HTR3B: variants seen among roughly 807,000 people sequenced by gnomAD.
The protein encoded by HTR3B is 5-hydroxytryptamine (serotonin) receptor 3B, ionotropic.
In HTR3B, 44 loss-of-function variants were observed where a neutral mutation model predicts 42.8. The ratio of observed to expected loss-of-function variants is 1.03; its 90% CI spans 0.81 to 1.32. HTR3B has a LOEUF of 1.32. Among genes scored for constraint, HTR3B ranks in the 40% most tolerant of loss-of-function variants. The probability of loss-of-function intolerance (pLI) is 0.00; values close to 1 mark genes in which losing one functional copy is unlikely to be tolerated. For missense variants in HTR3B, 527 were observed against 536.5 expected (o/e 0.98, Z 0.17); for synonymous variants, 203 against 209.0 (o/e 0.97, Z 0.25).
intron 1 of HTR3B, among the ~76,000 whole-genome samples, chr11:113,908,699 A>G (rs1223579293): frequency 6.6e-6 from 1 of 152,220 alleles, no homozygotes. Context: ...TTTTCTCAAA[A>G]CAAAGATCTC....
At chr11:113,945,694 TAA>T (rs1950171244) in intron 8 of HTR3B, among the ~76,000 whole-genome samples, 5 of 152,350 alleles carry the variant, frequency 3.3e-5, no homozygotes, top group African/African-American at 1.2e-4. Context: ...GCTTACATAA[TAA>T]CAGCTCTGAC....
At chr11:113,912,963 G>A (rs1949811372) in intron 2 of HTR3B, among the ~76,000 whole-genome samples, 1 of 148,996 alleles carries the variant, frequency 6.7e-6, no homozygotes, top group African/African-American at 2.4e-5. Context: ...TCTTTTTTTA[G>A]ATATTACCTC....
chr11:113,943,802 G>GGCTGCTTCCC (rs1424873781), intron 7 of HTR3B, among the ~76,000 whole-genome samples: 23 of 150,756 alleles, frequency 1.5e-4, no homozygotes, highest in African/African-American at 4.9e-4. Context: ...GACAGAGCAA[G>GGCTGCTTCCC]AACGGAAGGG....
At chr11:113,911,038 G>A (rs1462917039) in intron 2 of HTR3B, among the ~76,000 whole-genome samples, 4 of 149,620 alleles carry the variant, frequency 2.7e-5, no homozygotes, top group African/African-American at 9.8e-5. Context: ...GTGTTAGCCA[G>A]GATGGTCTCG....
At chr11:113,920,325 GC>G (rs1382224864) in intron 2 of HTR3B, among the ~76,000 whole-genome samples, 2 of 152,138 alleles carry the variant, frequency 1.3e-5, no homozygotes, top group Admixed American at 6.6e-5. Flanking sequence ...ACCGCGCCTG[GC>G]CCAGAATTCC....
intron 6 of HTR3B, among the ~76,000 whole-genome samples, chr11:113,934,141 C>T (rs945699791): frequency 6.6e-6 from 1 of 152,198 alleles, no homozygotes; most frequent in Non-Finnish European, 1.5e-5. Context: ...AATCCCAGAA[C>T]TCTGGGAGGC....
chr11:113,945,476 A>G (rs1328075206), intron 8 of HTR3B, among the ~76,000 whole-genome samples: 1 of 152,136 alleles, frequency 6.6e-6, no homozygotes, highest in African/African-American at 2.4e-5. Context: ...CAGTTACCCA[A>G]AGTGACTGAG....
Position 113,932,338 on chromosome 11 carries a change from T to C in HTR3B, c.418T>C (p.Ser140Pro), listed in dbSNP as rs1166063853. Residue 140 changes from serine to proline, a missense_variant, in exon 5 of 9, where the codon TCT becomes CCT. Coordinates refer to ENST00000260191, the MANE Select transcript of HTR3B (RefSeq NM_006028.5). ...CCTTCCCTATGTTTATGTGAACTCA[T>C]CTGGGACCATTGAGAACTATAAGCC... ...PDLPYVYVNSSGTIENYKPIQ... is the reference protein window; with the variant it reads ...PDLPYVYVNSPGTIENYKPIQ... The C allele has an allele frequency of 1.9e-6, 3 of 1,613,514 alleles. No individual in the cohort carries two copies. In the South Asian group the frequency reaches 3.3e-5, roughly 18 times the overall value.
At position 113,946,151 on chromosome 11, in the gene HTR3B, C is replaced by T. The variant is rs1950177286; in HGVS notation, c.*14C>T. 1 of 1,581,672 alleles carries T rather than the reference C, an allele frequency of 6.3e-7. No homozygotes were observed. Among genetic ancestry groups the T allele is most frequent in the Non-Finnish European group, 8.7e-7 (1 of 1,151,408 alleles). On this transcript the variant is annotated 3_prime_UTR_variant, in exon 9 of 9. Transcript: ENST00000260191. The stretch of plus-strand genomic sequence containing the variant: ...GGCGGCGTGTGAAGACTGAAGTGTT[C>T]TTCAGTAATTGTGCTGGCACTTAGG...
At chr11:113,924,674 G>A (rs1307036626) in intron 2 of HTR3B, among the ~76,000 whole-genome samples, 2 of 143,290 alleles carry the variant, frequency 1.4e-5, no homozygotes, top group Non-Finnish European at 1.5e-5. Context: ...ACCTAATCTC[G>A]AGCTCTCATT....
At chr11:113,914,500 T>A (rs1949832607) in intron 2 of HTR3B, among the ~76,000 whole-genome samples, 1 of 151,984 alleles carries the variant, frequency 6.6e-6, no homozygotes, top group South Asian at 2.1e-4. Flanking sequence ...ATTTTGTTTT[T>A]TTGAGACAGT....
intron 2 of HTR3B, among the ~76,000 whole-genome samples, chr11:113,915,030 AT>A (rs1949837634): frequency 1.3e-5 from 2 of 151,954 alleles, no homozygotes; most frequent in African/African-American, 2.4e-5. Context: ...TTGTTCATAT[AT>A]TTTTTTCTAT....
In HTR3B at chr11:113,932,345, C is replaced by A; in HGVS notation, c.425C>A (p.Thr142Asn). Residue 142 changes from threonine to asparagine, a missense_variant, in exon 5 of 9, where the codon ACC becomes AAC. Transcript: ENST00000260191. Reference sequence around the variant, plus strand: ...TATGTTTATGTGAACTCATCTGGGACCATTGAGAACTATAAGCCCATCCAG... The same window carrying A: ...TATGTTTATGTGAACTCATCTGGGAACATTGAGAACTATAAGCCCATCCAG... ...LPYVYVNSSGTIENYKPIQVV... is the reference protein window; with the variant it reads ...LPYVYVNSSGNIENYKPIQVV... The A allele has an allele frequency of 6.2e-7, 1 of 1,613,368 alleles. No individual in the cohort carries two copies. Among genetic ancestry groups the A allele is most frequent in the Non-Finnish European group, 8.5e-7 (1 of 1,179,340 alleles).
intron 2 of HTR3B, among the ~76,000 whole-genome samples, chr11:113,912,486 A>T (rs998530274): frequency 6.6e-6 from 1 of 151,720 alleles, no homozygotes; most frequent in Non-Finnish European, 1.5e-5. Context: ...CTCGTGATCC[A>T]CCCGCCTCGG....
At chr11:113,917,793 CG>C (rs1565558532) in intron 2 of HTR3B, among the ~76,000 whole-genome samples, 1 of 152,000 alleles carries the variant, frequency 6.6e-6, no homozygotes, top group East Asian at 1.9e-4. Context: ...TTGGTAGAGA[CG>C]GGGTTTTGCC....
At chr11:113,909,126 CT>C in intron 1 of HTR3B, 168 bp from the exon 2 acceptor site, 1 of 629,928 alleles carries the variant, frequency 1.6e-6, no homozygotes. Context: ...CATCAGCTTA[CT>C]TTAAGCATTT....
intron 6 of HTR3B, among the ~76,000 whole-genome samples, chr11:113,935,006 A>T (rs941743073): frequency 2.6e-5 from 4 of 152,138 alleles, no homozygotes; most frequent in Admixed American, 2.0e-4. Context: ...GGGCAGGTAA[A>T]CAAGGGCGTG....
At position 113,904,945 on chromosome 11, in the gene HTR3B, T is replaced by A. The variant is rs780514106; in HGVS notation, c.12T>A (p.Ser4Arg). 6.2e-7 allele frequency: 1 copy of A among 1,613,754 alleles called. No individual in the cohort carries two copies. The highest frequency in any genetic ancestry group is 8.5e-7 in the Non-Finnish European group (1 of 1,179,768). MLSSVMAPLWACIL... is the reference protein window; with the variant it reads MLSRVMAPLWACIL... ...GGATCTGCCCAGGAATGTTGTCAAG[T>A]GTAATGGCTCCCCTGTGGGCCTGCA... is the stretch of plus-strand genomic sequence containing the variant. The change falls in exon 1 of 9, where the codon AGT becomes AGA. Residue 4 changes from serine to arginine, a missense_variant. Coordinates refer to ENST00000260191, the MANE Select transcript of HTR3B (RefSeq NM_006028.5).
chr11:113,907,397 C>T (rs1175620485), intron 1 of HTR3B, among the ~76,000 whole-genome samples: 6 of 152,162 alleles, frequency 3.9e-5, no homozygotes, highest in Non-Finnish European at 1.5e-5. Context: ...CTTAATCTCT[C>T]TCCTGTAATT....
Sources: allele counts gnomAD v4.1 joint callset (sites outside exome capture counted in the v4.1 genomes callset), GRCh38; gene constraint gnomAD v4.1.1; transcripts MANE v1.5; gene names NCBI Gene and HGNC (gene_info 2026-07-23, HGNC 2026-07-21).